Variants in STK32C observed in about 807,000 individuals in gnomAD.
STK32C encodes serine/threonine-protein kinase 32C.
Under a neutral mutation model 56.5 loss-of-function variants are expected in STK32C, and 31 were observed. That is an observed-to-expected ratio of 0.55 (90% CI 0.41 to 0.74). The LOEUF (loss-of-function observed/expected upper bound fraction) is 0.74, where lower values mean the gene tolerates loss of function less well. STK32C is among the 30% of genes least tolerant of loss of function. The pLI is 0.00. For missense variants in STK32C, 544 were observed against 676.9 expected, an observed-to-expected ratio of 0.80 and a Z score of 2.18; for synonymous variants, 309 against 289.4, an observed-to-expected ratio of 1.07 and a Z score of -0.69.
chr10:132,312,722 A>C (rs1590487729), upstream of STK32C, among the ~76,000 whole-genome samples: 1 of 152,214 alleles, frequency 6.6e-6, no homozygotes, highest in African/African-American at 2.4e-5. Flanking sequence ...GCTCTTGGCC[A>C]AGGAAACTCC....
At chr10:132,262,676 G>A (rs1209714532) in intron 1 of STK32C, among the ~76,000 whole-genome samples, 1 of 150,540 alleles carries the variant, frequency 6.6e-6, no homozygotes, top group African/African-American at 2.4e-5. Context: ...ACTTTGGGAG[G>A]CTGAGGTGTG....
upstream of STK32C, among the ~76,000 whole-genome samples, chr10:132,310,084 G>A (rs2066190949): frequency 6.6e-6 from 1 of 152,180 alleles, no homozygotes; most frequent in Non-Finnish European, 1.5e-5. The surrounding 1 kb of genome is among the most constrained non-coding windows in gnomAD (Gnocchi z 4.6). Context: ...CTGGTCTGAG[G>A]GTCCAAAGGG....
chr10:132,311,273 G>C (rs1389922879), upstream of STK32C, among the ~76,000 whole-genome samples: 1 of 152,220 alleles, frequency 6.6e-6, no homozygotes, highest in Non-Finnish European at 1.5e-5. The surrounding 1 kb of genome is among the most constrained non-coding windows in gnomAD (Gnocchi z 4.4). Flanking sequence ...CACGATTCGT[G>C]TGTGCTGTTT....
chr10:132,319,604 A>C (rs2066366730), downstream of STK32C, among the ~76,000 whole-genome samples: 1 of 152,240 alleles, frequency 6.6e-6, no homozygotes, highest in African/African-American at 2.4e-5. Flanking sequence ...CCATTTACCT[A>C]AAATGTGCAC....
At position 132,208,015 on chromosome 10, in the gene STK32C, CGCTCCCGGCCGAG is replaced by C; in HGVS notation, c.1443_1455del (p.Ser482AlafsTer144). The stretch of plus-strand genomic sequence containing the variant: ...AGGACCACGGGCGTCCCGGCCTAGC[CGCTCCCGGCCGAG>C]GGGCAAATGGGGCCGCACATGGGCA... On this transcript the variant is annotated frameshift_variant, in exon 12 of 12. Transcript: ENST00000298630. LOFTEE classifies it high-confidence loss of function. 1 of 1,308,044 alleles carries C rather than the reference CGCTCCCGGCCGAG, an allele frequency of 7.6e-7. No homozygotes were observed. The highest frequency in any genetic ancestry group is 9.8e-7 in the Non-Finnish European group (1 of 1,021,370). The allele number at this position is 1,308,044 out of a possible 1,614,324, so 81.0% of individuals were successfully genotyped here.
chr10:132,324,126 C>T, exon 2 of STK32C: 3 of 668,262 alleles, frequency 4.5e-6, no homozygotes, highest in South Asian at 1.7e-5. Context: ...ACTCCAATCA[C>T]AGCAGCTGGG....
rs2064474813 is a variant in STK32C at position 132,265,243 on chromosome 10, T to TG, written c.263-19289dup. Among the ~76,000 whole-genome samples the TG allele has an allele frequency of 2.0e-5, 3 of 148,800 alleles. No individual in the cohort carries two copies. The South Asian group carries it at 6.4e-4, about 32-fold the overall frequency. ...AGCTGCCAGGGCAGCGAGGTGGCTC[T>TG]GGGGGTGCCGCAAGGGCGGCGAGGT... On this transcript the variant is annotated intron_variant, in intron 1 of 11. Coordinates refer to ENST00000298630, the MANE Select transcript of STK32C (RefSeq NM_173575.4).
downstream of STK32C, chr10:132,323,922 C>G (rs1375433935): frequency 3.9e-6 from 1 of 256,376 alleles, no homozygotes; most frequent in Admixed American, 4.9e-5. The surrounding 1 kb of genome is among the most constrained non-coding windows in gnomAD (Gnocchi z 4.8). Flanking sequence ...GAGGGGTGGC[C>G]TCATGTTATA....
At chr10:132,321,410 T>A (rs1403590645), downstream of STK32C, among the ~76,000 whole-genome samples, 1 of 151,994 alleles carries the variant, frequency 6.6e-6, no homozygotes, top group Non-Finnish European at 1.5e-5. Flanking sequence ...CCAACTGGAG[T>A]CACGTCACCC....
chr10:132,235,268 C>T (rs551077756), intron 2 of STK32C, among the ~76,000 whole-genome samples: 83 of 152,068 alleles, frequency 5.5e-4, no homozygotes, highest in African/African-American at 1.7e-3. Flanking sequence ...GAGGCGGAGG[C>T]GGGCAGATCA....
At chr10:132,290,026 A>C (rs1209060514) in intron 1 of STK32C, among the ~76,000 whole-genome samples, 1 of 152,086 alleles carries the variant, frequency 6.6e-6, no homozygotes, top group Non-Finnish European at 1.5e-5. Context: ...TTTCTTGAAA[A>C]CCGTATGGTC....
intron 1 of STK32C, among the ~76,000 whole-genome samples, chr10:132,304,538 C>T (rs143689395): frequency 6.6e-6 from 1 of 152,336 alleles, no homozygotes; most frequent in Non-Finnish European, 1.5e-5. Flanking sequence ...GCATGCAGAG[C>T]AGGATCCCAC....
chr10:132,210,869 A>G (rs2062274210), intron 10 of STK32C, among the ~76,000 whole-genome samples: 1 of 152,134 alleles, frequency 6.6e-6, no homozygotes, highest in African/African-American at 2.4e-5. Flanking sequence ...GGCAGCGGGA[A>G]TGTGGACTCT....
In STK32C at chr10:132,207,667, C is replaced by T. The variant is rs3814606; in HGVS notation, c.*343G>A. On this transcript the variant is annotated 3_prime_UTR_variant, in exon 12 of 12. Transcript: ENST00000298630. ...CTGTGCTGCAAGGGTCACCTTGTGA[C>T]GAGGGCCGTGCACAGCCTCCGGGCT... 8.9e-6 allele frequency: 2 copies of T among 225,386 alleles called. No individual in the cohort carries two copies. Among genetic ancestry groups the T allele is most frequent in the African/African-American group, 2.3e-5 (1 of 44,270 alleles). The allele number at this position is 225,386 out of a possible 1,614,324, so 14.0% of individuals were successfully genotyped here.
At chr10:132,218,384 G>C (rs189971675) in intron 10 of STK32C, among the ~76,000 whole-genome samples, 16 of 152,080 alleles carry the variant, frequency 1.1e-4, no homozygotes, top group Admixed American at 2.6e-4. Context: ...CTAAAAAAAA[G>C]ACAATAAAAA....
At chr10:132,317,967 C>CA (rs1223040750) in intron 1 of STK32C, among the ~76,000 whole-genome samples, 10,629 of 55,246 alleles carry the variant, frequency 0.19, 1,070 homozygotes, top group African/African-American at 0.36. Context: ...GACTCTGTCT[C>CA]AAAAAAAAAA....
intron 1 of STK32C, among the ~76,000 whole-genome samples, chr10:132,283,137 A>G (rs1006435315): frequency 6.6e-6 from 1 of 152,260 alleles, no homozygotes; most frequent in African/African-American, 2.4e-5. Context: ...ACGATGGCCA[A>G]GACCCAGCCG....
At chr10:132,260,355 T>C (rs2064261813) in intron 1 of STK32C, among the ~76,000 whole-genome samples, 1 of 151,672 alleles carries the variant, frequency 6.6e-6, no homozygotes, top group South Asian at 2.1e-4. Context: ...GAGAGCCAAC[T>C]GCACGGAAGA....
At chr10:132,217,760 CT>C (rs1202629752) in intron 10 of STK32C, among the ~76,000 whole-genome samples, 11 of 152,294 alleles carry the variant, frequency 7.2e-5, no homozygotes, top group Admixed American at 4.6e-4. Context: ...CAAGCTCTCT[CT>C]TTGCCTGCCG....
Sources: allele counts gnomAD v4.1 joint callset (sites outside exome capture counted in the v4.1 genomes callset), GRCh38; gene constraint gnomAD v4.1.1; non-coding constraint Gnocchi (gnomAD v3.1); transcripts MANE v1.5; gene names NCBI Gene and HGNC (gene_info 2026-07-23, HGNC 2026-07-21).